The following CYTH1 variants were observed in gnomAD, a reference collection of about 807,000 sequenced individuals.
The protein encoded by CYTH1 is cytohesin 1.
CYTH1 carries 18 observed loss-of-function variants against 61.8 expected under a neutral mutation model. The ratio of observed to expected loss-of-function variants is 0.29; its 90% CI spans 0.20 to 0.43. CYTH1 has a LOEUF of 0.43. CYTH1 is among the 20% of genes least tolerant of loss of function. The probability of loss-of-function intolerance (pLI) is 1.00; values close to 1 mark genes in which losing one functional copy is unlikely to be tolerated. For synonymous variants in CYTH1, 174 were observed against 184.3 expected (o/e 0.94, Z 0.45); for missense variants, 336 against 510.5 (o/e 0.66, Z 3.29).
chr17:78,675,927 C>A lies in CYTH1; in HGVS notation c.*164G>T, dbSNP rs1216443165. On this transcript the variant is annotated 3_prime_UTR_variant, in exon 14 of 14. Coordinates refer to ENST00000446868, the MANE Select transcript of CYTH1 (RefSeq NM_004762.6). ...CTCTTCCCCAGTGATAACTGCCCAC[C>A]CTTCTCCCACTTAAAAAAAATAGCA... 4 of 1,545,068 alleles carry A rather than the reference C, an allele frequency of 2.6e-6. No homozygotes were observed. The highest frequency in any genetic ancestry group is 3.5e-6 in the Non-Finnish European group (4 of 1,144,218).
intron 1 of CYTH1, among the ~76,000 whole-genome samples, chr17:78,749,281 G>A (rs1325627891): frequency 2.6e-5 from 4 of 152,116 alleles, no homozygotes; most frequent in Middle Eastern, 3.4e-3. Context: ...TCAACATGGC[G>A]AAACCCCGTC....
At chr17:78,735,012 T>C (rs879729104) in intron 1 of CYTH1, among the ~76,000 whole-genome samples, 1 of 152,128 alleles carries the variant, frequency 6.6e-6, no homozygotes, top group Non-Finnish European at 1.5e-5. Context: ...CTCACGGCAA[T>C]GTCTAAGGGC....
chr17:78,696,293 A>G (rs1598839561), intron 9 of CYTH1, among the ~76,000 whole-genome samples: 1 of 152,238 alleles, frequency 6.6e-6, no homozygotes, highest in Non-Finnish European at 1.5e-5. Context: ...CAAAGATGCC[A>G]CAAATCGGCT....
At chr17:78,735,549 T>C (rs916139020) in intron 1 of CYTH1, among the ~76,000 whole-genome samples, 2 of 152,234 alleles carry the variant, frequency 1.3e-5, no homozygotes, top group Non-Finnish European at 2.9e-5. Context: ...AGTATCGTTA[T>C]GGACACCTGT....
chr17:78,715,750 G>T (rs776467683), intron 1 of CYTH1, among the ~76,000 whole-genome samples: 45 of 152,198 alleles, frequency 3.0e-4, no homozygotes, highest in Non-Finnish European at 5.6e-4. Context: ...CTCCCTTTGA[G>T]TGGGCACCTG....
At chr17:78,732,785 A>C (rs2093301290) in intron 1 of CYTH1, among the ~76,000 whole-genome samples, 2 of 152,230 alleles carry the variant, frequency 1.3e-5, no homozygotes, top group Admixed American at 1.3e-4. Context: ...ATCACATGGC[A>C]CGCATTAAAA....
chr17:78,767,286 A>G (rs1189261576), intron 1 of CYTH1, among the ~76,000 whole-genome samples: 5 of 152,190 alleles, frequency 3.3e-5, no homozygotes, highest in Non-Finnish European at 4.4e-5. Flanking sequence ...TGATCAACAT[A>G]GTGAATCCCC....
At chr17:78,696,111 CTT>C in intron 9 of CYTH1, 102 bp from the exon 10 acceptor site, 1 of 1,336,624 alleles carries the variant, frequency 7.5e-7, no homozygotes, top group South Asian at 1.2e-5. Context: ...ATTCCTTAAT[CTT>C]AAAGTGCAAT....
intron 1 of CYTH1, among the ~76,000 whole-genome samples, chr17:78,760,559 ATATATATATACACATACATATATATG>A (rs1411590101): frequency 0.018 from 631 of 34,444 alleles, 69 homozygotes; most frequent in African/African-American, 0.049. Flanking sequence ...ATATATATGT[ATATATATATACACATACATATATATG>A]TATATATATG....
chr17:78,688,358 G>A (rs2144119660), intron 11 of CYTH1, among the ~76,000 whole-genome samples: 1 of 152,328 alleles, frequency 6.6e-6, no homozygotes, highest in South Asian at 2.1e-4. Context: ...AGAAGAACAA[G>A]CATTGTTGTC....
chr17:78,705,282 C>CA (rs571606616), intron 3 of CYTH1, among the ~76,000 whole-genome samples: 88 of 152,274 alleles, frequency 5.8e-4, no homozygotes, highest in Non-Finnish European at 1.0e-3. Flanking sequence ...CTGGGACACA[C>CA]ACCAGAGATG....
intron 11 of CYTH1, among the ~76,000 whole-genome samples, chr17:78,682,089 T>G (rs1242134070): frequency 6.7e-6 from 1 of 148,624 alleles, no homozygotes; most frequent in Non-Finnish European, 1.5e-5. Flanking sequence ...TTCCCCGTCC[T>G]CCTAAAATAA....
chr17:78,716,613 ACTACAC>A (rs1414249291), intron 1 of CYTH1, among the ~76,000 whole-genome samples: 1 of 152,204 alleles, frequency 6.6e-6, no homozygotes, highest in Non-Finnish European at 1.5e-5. Flanking sequence ...AAAAAGCTGA[ACTACAC>A]CTCATTTTTC....
chr17:78,690,711 G>T (rs1325067046), intron 11 of CYTH1, among the ~76,000 whole-genome samples: 1 of 151,740 alleles, frequency 6.6e-6, no homozygotes, highest in Non-Finnish European at 1.5e-5. Context: ...AAAAAAAAAA[G>T]TATTTTTCTC....
intron 13 of CYTH1, chr17:78,677,323 G>C (rs1458740675): frequency 6.5e-6 from 2 of 309,018 alleles, no homozygotes; most frequent in East Asian, 2.0e-4. Context: ...GCACTGCCCT[G>C]TGTGCAGAGG....
At chr17:78,696,743 C>A (rs2092942813) in intron 9 of CYTH1, 1 of 152,218 alleles carries the variant, frequency 6.6e-6, no homozygotes, top group South Asian at 2.1e-4. Context: ...GTCTAAGAAC[C>A]AAGATAATCT....
At chr17:78,722,601 A>G (rs1343510510) in intron 1 of CYTH1, among the ~76,000 whole-genome samples, 1 of 152,192 alleles carries the variant, frequency 6.6e-6, no homozygotes, top group Non-Finnish European at 1.5e-5. Context: ...TTCCGTGTCC[A>G]AAAGAGAGGC....
intron 1 of CYTH1, among the ~76,000 whole-genome samples, chr17:78,730,717 T>C (rs1298178810): frequency 4.6e-5 from 7 of 151,596 alleles, no homozygotes; most frequent in Admixed American, 4.6e-4. Flanking sequence ...CAGGCTGGAG[T>C]GCAGTGGTGC....
chr17:78,710,128 C>T (rs916830558), intron 1 of CYTH1, among the ~76,000 whole-genome samples: 3 of 152,070 alleles, frequency 2.0e-5, no homozygotes, highest in African/African-American at 4.8e-5. Flanking sequence ...ACAGAGTCTC[C>T]GAGATGGAAA....
Sources: allele counts gnomAD v4.1 joint callset (sites outside exome capture counted in the v4.1 genomes callset), GRCh38; gene constraint gnomAD v4.1.1; transcripts MANE v1.5; gene names NCBI Gene and HGNC (gene_info 2026-07-23, HGNC 2026-07-21).